Variants in VIPAS39 observed in about 807,000 individuals in gnomAD.
VIPAS39 encodes the protein spermatogenesis-defective protein 39 homolog.
In VIPAS39, 63 loss-of-function variants were observed where a neutral mutation model predicts 84.7. The observed-to-expected ratio is 0.74, with a 90% CI of 0.61 to 0.92. VIPAS39 has a LOEUF of 0.92. Ranked by LOEUF, VIPAS39 falls within the 40% of genes least tolerant of loss-of-function variation. The pLI, the probability that VIPAS39 is intolerant of heterozygous loss-of-function variation, is 0.00. For missense variants in VIPAS39, 499 were observed against 604.5 expected, an observed-to-expected ratio of 0.83 and a Z score of 1.83; for synonymous variants, 192 against 216.5, an observed-to-expected ratio of 0.89 and a Z score of 0.99.
At position 77,427,576 on chromosome 14, in the gene VIPAS39, G is replaced by C; in HGVS notation, c.*40C>G. On this transcript the variant is annotated 3_prime_UTR_variant, in exon 20 of 20. Coordinates refer to ENST00000557658, the MANE Select transcript of VIPAS39 (RefSeq NM_001193315.2). ...GCTCTCTCTGCTTTCACAGGCAGGA[G>C]AGGAGGAAATGAGGCAGGCTTCAAG... is the stretch of plus-strand genomic sequence containing the variant. 6.2e-7 allele frequency: 1 copy of C among 1,613,812 alleles called. No homozygotes were observed. The highest frequency in any genetic ancestry group is 1.3e-5 in the African/African-American group (1 of 75,042).
intron 8 of VIPAS39, among the ~76,000 whole-genome samples, 157 bp downstream of exon 8, chr14:77,444,092 A>G (rs532074306): frequency 1.3e-5 from 2 of 151,954 alleles, no homozygotes; most frequent in Non-Finnish European, 1.5e-5. Context: ...GCACCAGCTA[A>G]GCCCTTAAAG....
intron 7 of VIPAS39, among the ~76,000 whole-genome samples, chr14:77,446,064 A>AT (rs1490447362): frequency 1.3e-5 from 2 of 152,046 alleles, no homozygotes; most frequent in Non-Finnish European, 2.9e-5. Flanking sequence ...TTTCTAAAAA[A>AT]AAAATAAAAG....
At chr14:77,448,916 T>C (rs2078840269) in intron 6 of VIPAS39, among the ~76,000 whole-genome samples, 1 of 152,220 alleles carries the variant, frequency 6.6e-6, no homozygotes, top group Admixed American at 6.5e-5. Flanking sequence ...ACATGTTCCT[T>C]TTCCGACCTT....
intron 7 of VIPAS39, among the ~76,000 whole-genome samples, chr14:77,447,080 T>A (rs1157134860): frequency 6.6e-6 from 1 of 151,566 alleles, no homozygotes; most frequent in African/African-American, 2.4e-5. Context: ...CCGCTCTTGT[T>A]GCCCAGGCTG....
chr14:77,457,364 G>A (rs1336693804), intron 1 of VIPAS39, 131 bp downstream of exon 1: 1 of 1,535,680 alleles, frequency 6.5e-7, no homozygotes, highest in African/African-American at 1.4e-5. Flanking sequence ...GGGTCGCCCT[G>A]ACTGAAAGAA....
chr14:77,443,568 G>GC (rs2078736514), intron 8 of VIPAS39, among the ~76,000 whole-genome samples: 1 of 152,062 alleles, frequency 6.6e-6, no homozygotes, highest in Admixed American at 6.6e-5. Flanking sequence ...GGGCAACATA[G>GC]CAAGACCCTG....
chr14:77,456,411 A>G (rs1337928950), intron 1 of VIPAS39, among the ~76,000 whole-genome samples: 1 of 152,256 alleles, frequency 6.6e-6, no homozygotes, highest in Non-Finnish European at 1.5e-5. Flanking sequence ...TATAGAACAT[A>G]TAAATGTCTC....
At chr14:77,457,256 G>A (rs542877439) in intron 1 of VIPAS39, 1 of 1,534,728 alleles carries the variant, frequency 6.5e-7, no homozygotes, top group Non-Finnish European at 8.7e-7. Flanking sequence ...GCGGATCCCT[G>A]GCAGAGTTAA....
At chr14:77,432,841 TG>T (rs2078544394) in intron 16 of VIPAS39, among the ~76,000 whole-genome samples, 1 of 152,190 alleles carries the variant, frequency 6.6e-6, no homozygotes, top group African/African-American at 2.4e-5. Flanking sequence ...TTAATAATAG[TG>T]TAGTGTATAC....
At chr14:77,435,973 C>T (rs2078605098) in intron 12 of VIPAS39, 54 bp from the exon 13 acceptor site, 4 of 1,577,720 alleles carry the variant, frequency 2.5e-6, no homozygotes, top group Non-Finnish European at 3.5e-6. Context: ...AGGAAACAAA[C>T]CCAACTAAAC....
chr14:77,449,884 T>G, intron 4 of VIPAS39, 132 bp from the exon 5 acceptor site: 1 of 1,103,698 alleles, frequency 9.1e-7, no homozygotes, highest in East Asian at 2.4e-5. Context: ...AAGGTTTTAT[T>G]CATCTGTAGA....
At chr14:77,453,103 A>G (rs1015420969) in intron 3 of VIPAS39, among the ~76,000 whole-genome samples, 196 bp downstream of exon 3, 1 of 152,204 alleles carries the variant, frequency 6.6e-6, no homozygotes, top group Non-Finnish European at 1.5e-5. Context: ...GAGCAGACCT[A>G]TATAGCCATG....
At chr14:77,457,272 C>CGTTCTGAACCAAATGTCCG in intron 1 of VIPAS39, 1 of 1,535,404 alleles carries the variant, frequency 6.5e-7, no homozygotes, top group Non-Finnish European at 8.7e-7. Flanking sequence ...GTTAAATGCT[C>CGTTCTGAACCAAATGTCCG]GTTCTGAACC....
chr14:77,434,145 C>T, intron 15 of VIPAS39, 117 bp downstream of exon 15: 2 of 1,270,892 alleles, frequency 1.6e-6, no homozygotes, highest in South Asian at 2.4e-5. Flanking sequence ...AAACTCATTC[C>T]TTTCCACCTT....
At chr14:77,449,829 G>A (rs958991334) in intron 4 of VIPAS39, 77 bp from the exon 5 acceptor site, 11 of 1,509,354 alleles carry the variant, frequency 7.3e-6, no homozygotes, top group African/African-American at 2.7e-5. Flanking sequence ...AAGACACAAT[G>A]TGTAACCAAC....
At chr14:77,441,484 T>G (rs2078702516) in intron 10 of VIPAS39, among the ~76,000 whole-genome samples, 1 of 152,068 alleles carries the variant, frequency 6.6e-6, no homozygotes, top group Non-Finnish European at 1.5e-5. Flanking sequence ...GTGTTTTGTC[T>G]CCCCCAGACC....
At chr14:77,434,424 A>G (rs1289569814) in intron 14 of VIPAS39, 121 bp from the exon 15 acceptor site, 1 of 941,068 alleles carries the variant, frequency 1.1e-6, no homozygotes, top group Non-Finnish European at 1.7e-6. Flanking sequence ...ATTTAAACAT[A>G]GAAATTAATT....
chr14:77,444,131 A>G (rs1309112819), intron 8 of VIPAS39, 118 bp downstream of exon 8: 3 of 1,031,748 alleles, frequency 2.9e-6, no homozygotes, highest in East Asian at 2.8e-5. Flanking sequence ...CTACACCTCC[A>G]AGGGGAATCC....
At chr14:77,445,547 C>T (rs938444077) in intron 7 of VIPAS39, among the ~76,000 whole-genome samples, 1 of 152,118 alleles carries the variant, frequency 6.6e-6, no homozygotes, top group Non-Finnish European at 1.5e-5. Flanking sequence ...CTCAAGCCTC[C>T]TGAGTAGCTG....
Sources: gnomAD v4.1 joint callset for allele counts (sites outside exome capture counted in the v4.1 genomes callset) on GRCh38, gnomAD v4.1.1 for gene constraint, MANE v1.5 for transcripts, NCBI Gene and HGNC (gene_info 2026-07-23, HGNC 2026-07-21) for gene names.